FRMPD3: variants seen among roughly 807,000 people sequenced by gnomAD.
FRMPD3 encodes FERM and PDZ domain-containing protein 3.
A neutral mutation model predicts 97.9 loss-of-function variants in FRMPD3; 42 were observed. The observed-to-expected ratio is 0.43, with a 90% CI of 0.34 to 0.55. The LOEUF is 0.55. Among genes scored for constraint, FRMPD3 ranks in the 20% least tolerant of loss-of-function variants. The pLI is 0.03. For synonymous variants in FRMPD3, 577 were observed against 581.1 expected, an observed-to-expected ratio of 0.99 and a Z score of 0.10; for missense variants, 1,303 against 1,457.7, an observed-to-expected ratio of 0.89 and a Z score of 1.73.
intron 1 of FRMPD3, among the ~76,000 whole-genome samples, chrX:107,505,112 T>C (rs1922000043): frequency 8.9e-6 from 1 of 112,271 alleles, no homozygotes; most frequent in Admixed American, 9.4e-5. Flanking sequence ...AGCTTTACTT[T>C]CCAGCAGCCC....
intron 13 of FRMPD3, among the ~76,000 whole-genome samples, chrX:107,590,271 T>C (rs1351690205): frequency 1.8e-5 from 2 of 112,285 alleles, no homozygotes; most frequent in Admixed American, 1.9e-4. Flanking sequence ...TAATTCCTAA[T>C]TGCCCCAGTT....
chrX:107,467,492 C>T (rs979975083), intron 1 of FRMPD3, among the ~76,000 whole-genome samples: 1 of 111,138 alleles, frequency 9.0e-6, no homozygotes, highest in Non-Finnish European at 1.9e-5. Flanking sequence ...CTTATGACTA[C>T]ATCACTAAAG....
intron 12 of FRMPD3, among the ~76,000 whole-genome samples, chrX:107,569,784 G>A (rs1190140665): frequency 8.9e-6 from 1 of 112,268 alleles, no homozygotes; most frequent in Non-Finnish European, 1.9e-5. Flanking sequence ...GGGAGGCTGA[G>A]ATGGGTGGAT....
Position 107,549,413 on chromosome X carries a change from G to A in FRMPD3, c.403-636G>A, listed in dbSNP as rs1050411424. Among the ~76,000 whole-genome samples, 17 of 112,069 alleles carry A rather than the reference G, an allele frequency of 1.5e-4. No individual in the cohort carries two copies. The East Asian group carries it at 4.7e-3, about 31-fold the overall frequency. On this transcript the variant is annotated intron_variant, in intron 5 of 14. Coordinates refer to ENST00000683843, the MANE Select transcript of FRMPD3 (RefSeq NM_001388459.1). Reference sequence around the variant, plus strand: ...TGTGCTACTGGCACTTCATGTCTCAGGGTCGGAGATGCTAAGTGTTGTGCA... The same window carrying A: ...TGTGCTACTGGCACTTCATGTCTCAAGGTCGGAGATGCTAAGTGTTGTGCA...
intron 1 of FRMPD3, among the ~76,000 whole-genome samples, chrX:107,468,178 G>C (rs1931608287): frequency 8.9e-6 from 1 of 111,892 alleles, no homozygotes; most frequent in African/African-American, 3.3e-5. Flanking sequence ...TGAAAACATT[G>C]AGGCATGGGC....
intron 1 of FRMPD3, among the ~76,000 whole-genome samples, chrX:107,451,779 T>A (rs1931295286): frequency 8.9e-6 from 1 of 112,039 alleles, no homozygotes; most frequent in Admixed American, 9.4e-5. Flanking sequence ...TAAGGCATAA[T>A]GTATTGTGGA....
chrX:107,565,694 C>CA (rs113816307), intron 12 of FRMPD3, among the ~76,000 whole-genome samples: 12,803 of 67,971 alleles, frequency 0.19, 1,784 homozygotes, highest in African/African-American at 0.46. Context: ...AACCCTGTCT[C>CA]AAAAAAAAAA....
chrX:107,486,864 A>G (rs1182484588), intron 1 of FRMPD3, among the ~76,000 whole-genome samples: 2 of 111,503 alleles, frequency 1.8e-5, no homozygotes, highest in Non-Finnish European at 3.8e-5. Context: ...CTTTGAAAAA[A>G]AAAAGTACAT....
At chrX:107,549,901 A>T in intron 5 of FRMPD3, 148 bp from the exon 6 acceptor site, 2 of 451,924 alleles carry the variant, frequency 4.4e-6, no homozygotes, top group Non-Finnish European at 3.9e-6. Flanking sequence ...TGTATTATTG[A>T]TCTGCTCTTT....
Position 107,601,363 on chromosome X carries a change from G to A in FRMPD3, c.3324G>A (p.Gln1108=), listed in dbSNP as rs183335708. 252 of 1,206,624 alleles carry A rather than the reference G, an allele frequency of 2.1e-4. 2 individuals are homozygous for A. The African/African-American group carries it at 3.7e-3, about 18-fold the overall frequency. The change falls in exon 15 of 15, where the codon CAG becomes CAA. Residue 1108 remains glutamine (Q), a synonymous_variant. Coordinates refer to ENST00000683843, the MANE Select transcript of FRMPD3 (RefSeq NM_001388459.1). Reference sequence around the variant, plus strand: ...TCTCCAGCCAAGGGGAGAAGGCGCAGCTGGAGAGCACACCCAAAAGAAGCA... The same window carrying A: ...TCTCCAGCCAAGGGGAGAAGGCGCAACTGGAGAGCACACCCAAAAGAAGCA... The part of the protein sequence containing the change: ...GTISSQGEKA[Q]LESTPKRSKL...
chrX:107,558,897 C>T (rs750986870), intron 8 of FRMPD3, among the ~76,000 whole-genome samples: 2 of 110,820 alleles, frequency 1.8e-5, no homozygotes, highest in Non-Finnish European at 3.8e-5. Flanking sequence ...GTTGGCCAGG[C>T]TGGTCTCAAA....
chrX:107,530,430 T>A lies in FRMPD3; in HGVS notation c.170T>A (p.Leu57His). 8.4e-7 allele frequency: 1 copy of A among 1,193,494 alleles called. No individual in the cohort carries two copies. The highest frequency in any genetic ancestry group is 2.3e-5 in the Admixed American group (1 of 43,601). The change falls in exon 3 of 15, where the codon CTC becomes CAC. Residue 57 changes from leucine (L) to histidine (H), a missense_variant. This residue lies in a region of FRMPD3 where 535 missense variants were observed against 618.6 expected (regional missense o/e 0.86). Transcript: ENST00000683843. ...VRPGGPSENK[L>H]LAGDQIVAIN... is the part of the protein sequence containing the mutation. ...GCAGGAGGCCCCTCTGAGAACAAGC[T>A]CCTGGCTGGTGACCAGATTGTGGCT...
At chrX:107,548,830 C>T (rs183582260) in intron 5 of FRMPD3, among the ~76,000 whole-genome samples, 6 of 111,536 alleles carry the variant, frequency 5.4e-5, no homozygotes, top group African/African-American at 9.8e-5. Flanking sequence ...GGCAATAGAG[C>T]GAGACCCTGT....
At chrX:107,599,440 GC>G (rs767741412) in intron 14 of FRMPD3, among the ~76,000 whole-genome samples, 1,630 of 111,093 alleles carry the variant, frequency 0.015, 11 homozygotes, top group Non-Finnish European at 0.021. Flanking sequence ...CCCAGGGCTG[GC>G]ATTTCTCTTT....
At chrX:107,580,766 G>A (rs1258692091) in intron 13 of FRMPD3, among the ~76,000 whole-genome samples, 1 of 111,190 alleles carries the variant, frequency 9.0e-6, no homozygotes, top group Non-Finnish European at 1.9e-5. Context: ...TGGATGGAGG[G>A]TAATTAAATA....
intron 1 of FRMPD3, among the ~76,000 whole-genome samples, chrX:107,503,299 A>G (rs141251998): frequency 1.9e-3 from 214 of 112,377 alleles, no homozygotes; most frequent in African/African-American, 6.5e-3. Context: ...TCTTGGAGGA[A>G]CATCACTCCC....
chrX:107,526,619 T>C lies in FRMPD3; in HGVS notation c.31T>C (p.Cys11Arg). 8.3e-7 allele frequency: 1 copy of C among 1,205,750 alleles called. No homozygotes were observed. Among genetic ancestry groups the C allele is most frequent in the Non-Finnish European group, 1.1e-6 (1 of 893,694 alleles). The change falls in exon 2 of 15, where the codon TGT (cysteine) becomes CGT (arginine). Residue 11 changes from cysteine (C) to arginine (R), a missense_variant. Cys to Arg is a radical substitution (Grantham distance 180, BLOSUM62 -3). Transcript: ENST00000683843. MQEESANDME[C>R]EQLPAEILRQ... The stretch of plus-strand genomic sequence containing the variant: ...GGAAGAGAGCGCAAATGATATGGAA[T>C]GTGAGCAGCTGCCAGCAGAGATACT...
intron 1 of FRMPD3, among the ~76,000 whole-genome samples, chrX:107,454,719 A>C (rs1484810697): frequency 1.8e-5 from 2 of 112,094 alleles, no homozygotes; most frequent in Admixed American, 9.4e-5. Context: ...TGTGGGATAA[A>C]TTTCAGCCTC....
chrX:107,496,056 T>G (rs1003084066), intron 1 of FRMPD3, among the ~76,000 whole-genome samples: 2 of 111,891 alleles, frequency 1.8e-5, no homozygotes, highest in African/African-American at 6.5e-5. Context: ...AATGATAGTA[T>G]CAAGCTGACA....
Sources: gnomAD v4.1 joint callset for allele counts (sites outside exome capture counted in the v4.1 genomes callset) on GRCh38, gnomAD v4.1.1 for gene constraint, gnomAD v4.1.1 regional missense constraint, MANE v1.5 for transcripts, NCBI Gene and HGNC (gene_info 2026-07-23, HGNC 2026-07-21) for gene names.